The following MYO1B variants were observed in gnomAD, a reference collection of about 807,000 sequenced individuals.
MYO1B encodes myosin IB.
In MYO1B, 72 loss-of-function variants were observed where a neutral mutation model predicts 159.7. The observed-to-expected ratio is 0.45, with a 90% CI of 0.37 to 0.55. MYO1B has a LOEUF of 0.55. MYO1B is among the 20% of genes least tolerant of loss of function. The probability of loss-of-function intolerance (pLI) is 0.00; values close to 1 mark genes in which losing one functional copy is unlikely to be tolerated. For synonymous variants in MYO1B, 468 were observed against 473.8 expected, an observed-to-expected ratio of 0.99 and a Z score of 0.16; for missense variants, 1,062 against 1,364.8, an observed-to-expected ratio of 0.78 and a Z score of 3.50.
intron 1 of MYO1B, among the ~76,000 whole-genome samples, chr2:191,249,477 C>G (rs997771684): frequency 6.6e-6 from 1 of 152,180 alleles, no homozygotes; most frequent in Non-Finnish European, 1.5e-5. Context: ...CCCTTCCCCA[C>G]AGGGGAAGTG....
chr2:191,353,848 A>G (rs920418107), intron 7 of MYO1B, among the ~76,000 whole-genome samples: 9 of 152,172 alleles, frequency 5.9e-5, no homozygotes, highest in African/African-American at 1.4e-4. Flanking sequence ...CTCAATAAAT[A>G]TTTGCTTTTT....
chr2:191,392,507 T>C (rs1377981059), intron 19 of MYO1B, among the ~76,000 whole-genome samples: 1 of 152,356 alleles, frequency 6.6e-6, no homozygotes, highest in Non-Finnish European at 1.5e-5. Flanking sequence ...ACAGTCTGTA[T>C]TTGTAATACC....
intron 11 of MYO1B, among the ~76,000 whole-genome samples, chr2:191,367,225 G>A (rs1353025215): frequency 6.6e-6 from 1 of 152,128 alleles, no homozygotes; most frequent in Non-Finnish European, 1.5e-5. Context: ...CTGCTTTATA[G>A]GATAATGTTG....
intron 26 of MYO1B, among the ~76,000 whole-genome samples, chr2:191,410,386 C>G (rs1036604148): frequency 2.0e-5 from 3 of 152,146 alleles, no homozygotes; most frequent in African/African-American, 7.2e-5. Flanking sequence ...TCTAGGAATG[C>G]TCATCTAAAA....
intron 1 of MYO1B, among the ~76,000 whole-genome samples, chr2:191,269,025 A>G (rs1687305950): frequency 6.6e-6 from 1 of 152,108 alleles, no homozygotes; most frequent in Non-Finnish European, 1.5e-5. Flanking sequence ...CATAAAATCT[A>G]CCATTTTAAC....
intron 2 of MYO1B, among the ~76,000 whole-genome samples, chr2:191,293,740 T>C (rs770323967): frequency 6.6e-6 from 1 of 152,204 alleles, no homozygotes; most frequent in Non-Finnish European, 1.5e-5. Context: ...ATCGTCTTTA[T>C]GACCTGTATC....
intron 13 of MYO1B, chr2:191,381,219 TA>T: frequency 1.9e-6 from 1 of 524,428 alleles, no homozygotes; most frequent in South Asian, 2.1e-5. Context: ...CTCTGTCAAC[TA>T]AAAGTCTTCA....
intron 30 of MYO1B, among the ~76,000 whole-genome samples, chr2:191,422,769 CT>C (rs1206156364): frequency 6.6e-6 from 1 of 152,130 alleles, no homozygotes; most frequent in Non-Finnish European, 1.5e-5. Context: ...AGGCCCCTTC[CT>C]TTTGTGAAAT....
chr2:191,263,437 T>A lies in MYO1B; in HGVS notation c.-9-13450T>A, dbSNP rs545297755. ...CAGAGGGGCCTTATAATTTTGTCAT[T>A]TAAAAAGAACTCTAGTTTTTCTACC... is the stretch of plus-strand genomic sequence containing the variant. On this transcript the variant is annotated intron_variant, in intron 1 of 30. Coordinates refer to ENST00000392318, the MANE Select transcript of MYO1B (RefSeq NM_001130158.3). 11 of 613,180 alleles carry A rather than the reference T, an allele frequency of 1.8e-5. No individual in the cohort carries two copies. The African/African-American group carries it at 2.2e-4, about 12-fold the overall frequency. The allele number at this position is 613,180 out of a possible 1,614,324, so 38.0% of individuals were successfully genotyped here.
At chr2:191,308,012 A>G (rs1574393047) in intron 3 of MYO1B, among the ~76,000 whole-genome samples, 2 of 151,926 alleles carry the variant, frequency 1.3e-5, no homozygotes, top group Non-Finnish European at 2.9e-5. Context: ...TTGTAACCCA[A>G]TCTCCAGCTC....
chr2:191,348,691 A>G (rs1373302784), intron 6 of MYO1B, among the ~76,000 whole-genome samples: 1 of 151,832 alleles, frequency 6.6e-6, no homozygotes, highest in Non-Finnish European at 1.5e-5. Context: ...GACTACTTCT[A>G]CTTAAAGCCA....
rs181789190 is a variant in MYO1B, at chr2:191,281,782, A to G, written c.135+4752A>G. On this transcript the variant is annotated intron_variant, in intron 2 of 30. Transcript: ENST00000392318. ...CCAAGGTGTCTGTTCTCTGACGAGAAGTATATTTGGTGCTGACCAGTAAAT... is the reference window on the plus strand; with the variant it reads ...CCAAGGTGTCTGTTCTCTGACGAGAGGTATATTTGGTGCTGACCAGTAAAT... Among the ~76,000 whole-genome samples the G allele has an allele frequency of 5.8e-4, 88 of 152,298 alleles. 1 individual carries two copies. The highest frequency in any genetic ancestry group is 2.0e-3 in the African/African-American group (85 of 41,562).
chr2:191,388,431 G>A (rs1471162267), intron 17 of MYO1B, among the ~76,000 whole-genome samples: 1 of 152,164 alleles, frequency 6.6e-6, no homozygotes, highest in Non-Finnish European at 1.5e-5. Context: ...GAAGGTATGT[G>A]TCTGGTGGGT....
At chr2:191,384,612 A>G (rs540276223) in intron 15 of MYO1B, among the ~76,000 whole-genome samples, 1 of 152,340 alleles carries the variant, frequency 6.6e-6, no homozygotes, top group South Asian at 2.1e-4. Flanking sequence ...TGGCTCTGAA[A>G]AGTGAATTTC....
rs1486645668 is a variant in MYO1B at position 191,394,944 on chromosome 2, C to T, written c.2227-1485C>T. Among the ~76,000 whole-genome samples, 6 of 152,172 alleles carry T rather than the reference C, an allele frequency of 3.9e-5. No homozygotes were observed. The East Asian group carries it at 1.2e-3, about 29-fold the overall frequency. On this transcript the variant is annotated intron_variant, in intron 20 of 30. Transcript: ENST00000392318. ...TACATCTCTTTCAAAATTTGAACTA[C>T]ATACCTCAACCAGTTCACTACATGT...
chr2:191,275,925 G>C (rs910133487), intron 1 of MYO1B, among the ~76,000 whole-genome samples: 3 of 152,206 alleles, frequency 2.0e-5, no homozygotes, highest in Admixed American at 1.3e-4. Context: ...ACTCTTGACA[G>C]TGATCAGATT....
intron 3 of MYO1B, among the ~76,000 whole-genome samples, chr2:191,321,845 A>C (rs1432449762): frequency 6.6e-6 from 1 of 152,114 alleles, no homozygotes; most frequent in East Asian, 1.9e-4. Flanking sequence ...GTTAGATTTT[A>C]AGCTTCTAGA....
chr2:191,295,451 T>A (rs1688925959), intron 2 of MYO1B, among the ~76,000 whole-genome samples: 1 of 152,226 alleles, frequency 6.6e-6, no homozygotes, highest in Non-Finnish European at 1.5e-5. Flanking sequence ...AATTTGACAT[T>A]AAATTTAAAT....
intron 13 of MYO1B, among the ~76,000 whole-genome samples, chr2:191,372,743 C>T (rs1227038777): frequency 6.6e-6 from 1 of 152,104 alleles, no homozygotes; most frequent in Non-Finnish European, 1.5e-5. Flanking sequence ...GAATATTTTT[C>T]ACTTCTGGTT....
Sources: allele counts gnomAD v4.1 joint callset (sites outside exome capture counted in the v4.1 genomes callset), GRCh38; gene constraint gnomAD v4.1.1; transcripts MANE v1.5; gene names NCBI Gene and HGNC (gene_info 2026-07-23, HGNC 2026-07-21).